Variants in GABBR2 observed in about 807,000 individuals in gnomAD.
GABBR2 encodes gamma-aminobutyric acid type B receptor subunit 2, also known as G-protein coupled receptor 51.
GABBR2 carries 23 observed loss-of-function variants against 105.6 expected under a neutral mutation model. That is an observed-to-expected ratio of 0.22 (90% CI 0.16 to 0.31). The LOEUF is 0.31. Ranked by LOEUF, GABBR2 falls within the 10% of genes least tolerant of loss-of-function variation. The probability of loss-of-function intolerance (pLI) is 1.00; values close to 1 mark genes in which losing one functional copy is unlikely to be tolerated. For synonymous variants in GABBR2, 478 were observed against 499.7 expected (o/e 0.96, Z 0.58); for missense variants, 734 against 1,245.5 (o/e 0.59, Z 6.18).
chr9:98,690,057 C>T (rs1830666031), intron 1 of GABBR2, among the ~76,000 whole-genome samples: 1 of 152,216 alleles, frequency 6.6e-6, no homozygotes, highest in Admixed American at 6.5e-5. Flanking sequence ...AACACTGCTT[C>T]TTCTGCAGCT....
At chr9:98,488,060 G>C (rs1338319849) in intron 4 of GABBR2, among the ~76,000 whole-genome samples, 1 of 152,134 alleles carries the variant, frequency 6.6e-6, no homozygotes, top group African/African-American at 2.4e-5. Flanking sequence ...TGAAGATAGA[G>C]GAAGGGGATG....
At chr9:98,442,170 G>T (rs558697416) in intron 7 of GABBR2, among the ~76,000 whole-genome samples, 19 of 152,358 alleles carry the variant, frequency 1.2e-4, no homozygotes, top group African/African-American at 4.6e-4. Flanking sequence ...TCAGGGGAAA[G>T]GTGGGTACAA....
chr9:98,589,582 T>C (rs1180898759), intron 1 of GABBR2, among the ~76,000 whole-genome samples: 2 of 152,142 alleles, frequency 1.3e-5, no homozygotes, highest in East Asian at 3.9e-4. Context: ...GAAAAGATTA[T>C]GGGAAAGGGT....
chr9:98,661,918 C>T (rs1202732404), intron 1 of GABBR2, among the ~76,000 whole-genome samples: 1 of 152,166 alleles, frequency 6.6e-6, no homozygotes, highest in Non-Finnish European at 1.5e-5. Context: ...TGCCTTGATT[C>T]AGGCAGCTCC....
intron 1 of GABBR2, among the ~76,000 whole-genome samples, chr9:98,707,915 C>T (rs1470913032): frequency 3.3e-5 from 5 of 152,250 alleles, no homozygotes; most frequent in Non-Finnish European, 7.3e-5. Context: ...CGCTCAAGCC[C>T]CTTGGGTTCC....
chr9:98,324,729 G>A (rs937003855), intron 13 of GABBR2, among the ~76,000 whole-genome samples: 1 of 152,176 alleles, frequency 6.6e-6, no homozygotes, highest in South Asian at 2.1e-4. Context: ...ACCAGAGAGT[G>A]TGCATCCCTC....
intron 1 of GABBR2, among the ~76,000 whole-genome samples, chr9:98,595,110 C>T (rs1829213571): frequency 6.6e-6 from 1 of 152,100 alleles, no homozygotes; most frequent in African/African-American, 2.4e-5. Context: ...AACTTATTTC[C>T]CACCGTTCTG....
At chr9:98,561,039 CT>C in intron 2 of GABBR2, among the ~76,000 whole-genome samples, 1 of 151,874 alleles carries the variant, frequency 6.6e-6, no homozygotes, top group Middle Eastern at 3.4e-3. Context: ...CAAAAATGCC[CT>C]TTTGTTTTAA....
intron 17 of GABBR2, among the ~76,000 whole-genome samples, chr9:98,294,710 T>A (rs913329479): frequency 6.6e-6 from 1 of 152,180 alleles, no homozygotes; most frequent in African/African-American, 2.4e-5. Context: ...ACTCCTGACC[T>A]CAGGTGATCC....
chr9:98,687,407 G>C (rs1367358628), intron 1 of GABBR2, among the ~76,000 whole-genome samples: 1 of 152,062 alleles, frequency 6.6e-6, no homozygotes, highest in African/African-American at 2.4e-5. Context: ...GGGGTGATCA[G>C]ATATTCAGGG....
chr9:98,339,012 G>A (rs1256913110), intron 13 of GABBR2, among the ~76,000 whole-genome samples: 1 of 152,148 alleles, frequency 6.6e-6, no homozygotes, highest in African/African-American at 2.4e-5. Context: ...AGTGAAAGAA[G>A]CCAGGCACAA....
intron 1 of GABBR2, among the ~76,000 whole-genome samples, chr9:98,614,517 C>T (rs1421672854): frequency 2.0e-5 from 3 of 151,996 alleles, no homozygotes; most frequent in South Asian, 2.1e-4. Flanking sequence ...AAGATTGAAA[C>T]GGTGTCTCAA....
At chr9:98,463,611 C>G (rs1826468979) in intron 6 of GABBR2, among the ~76,000 whole-genome samples, 1 of 151,624 alleles carries the variant, frequency 6.6e-6, no homozygotes, top group African/African-American at 2.4e-5. Flanking sequence ...CCGTCTCGCT[C>G]TCGCTCTCGC....
intron 2 of GABBR2, among the ~76,000 whole-genome samples, chr9:98,566,071 C>T (rs1424777348): frequency 2.6e-5 from 4 of 152,222 alleles, no homozygotes; most frequent in Non-Finnish European, 5.9e-5. Flanking sequence ...AGGGTGCTAA[C>T]ACACAGCACA....
intron 17 of GABBR2, among the ~76,000 whole-genome samples, chr9:98,294,497 C>CTTT (rs1054724028): frequency 1.4e-5 from 2 of 144,822 alleles, no homozygotes. Context: ...ACCTCGGCAT[C>CTTT]TTTTTTTTTT....
At chr9:98,455,818 T>C (rs1826316226) in intron 6 of GABBR2, among the ~76,000 whole-genome samples, 1 of 152,196 alleles carries the variant, frequency 6.6e-6, no homozygotes, top group Non-Finnish European at 1.5e-5. Context: ...GAGTGCCAAG[T>C]GCCCCCGGCT....
At chr9:98,474,636 G>A (rs148860220) in intron 5 of GABBR2, among the ~76,000 whole-genome samples, 1,776 of 152,206 alleles carry the variant, frequency 0.012, 25 homozygotes, top group African/African-American at 0.041. Context: ...CATTCATGTC[G>A]CACCCCTTGG....
intron 18 of GABBR2, 52 bp downstream of exon 18, chr9:98,293,733 A>G: frequency 1.0e-6 from 1 of 991,694 alleles, no homozygotes; most frequent in South Asian, 1.4e-5. Flanking sequence ...ACTCTTGTGC[A>G]GGAGTGACGT....
At chr9:98,506,349 C>G (rs1197524803) in intron 3 of GABBR2, among the ~76,000 whole-genome samples, 1 of 152,176 alleles carries the variant, frequency 6.6e-6, no homozygotes, top group Non-Finnish European at 1.5e-5. Flanking sequence ...CTGTGTAGTG[C>G]CTGGCATATA....
Sources: gnomAD v4.1 joint callset for allele counts (sites outside exome capture counted in the v4.1 genomes callset) on GRCh38, gnomAD v4.1.1 for gene constraint, MANE v1.5 for transcripts, NCBI Gene and HGNC (gene_info 2026-07-23, HGNC 2026-07-21) for gene names.